The following CTCFL variants were observed in gnomAD, a reference collection of about 807,000 sequenced individuals.
CTCFL encodes transcriptional repressor CTCFL.
In CTCFL, 36 loss-of-function variants were observed where a neutral mutation model predicts 67.4. The observed-to-expected ratio is 0.53, with a 90% confidence interval of 0.41 to 0.71. The LOEUF is 0.71. Ranked by LOEUF, CTCFL falls within the 30% of genes least tolerant of loss-of-function variation. The pLI, the probability that CTCFL is intolerant of heterozygous loss-of-function variation, is 0.00. For missense variants in CTCFL, 786 were observed against 835.2 expected, an observed-to-expected ratio of 0.94 and a Z score of 0.73; for synonymous variants, 324 against 302.3, an observed-to-expected ratio of 1.07 and a Z score of -0.75.
Position 57,498,324 on chromosome 20 carries a change from T to C in CTCFL, c.*226A>G, listed in dbSNP as rs560095339. The stretch of plus-strand genomic sequence containing the variant: ...TATCCAGCTACAAACAGGAGAACAA[T>C]TCTAGACACTACCTCAAACTTGTGT... On this transcript the variant is annotated 3_prime_UTR_variant, in exon 11 of 11. Transcript: ENST00000243914. The C allele has an allele frequency of 7.9e-7, 1 of 1,265,350 alleles. No homozygotes were observed. Among genetic ancestry groups the C allele is most frequent in the Admixed American group, 3.9e-5 (1 of 25,724 alleles). The allele number at this position is 1,265,350 out of a possible 1,614,324, so 78.4% of individuals were successfully genotyped here.
At chr20:57,517,082 G>A (rs1221030385) in intron 5 of CTCFL, among the ~76,000 whole-genome samples, 2 of 152,250 alleles carry the variant, frequency 1.3e-5, no homozygotes, top group Middle Eastern at 3.4e-3. Flanking sequence ...CAACAGCCAA[G>A]CCAAAAAATT....
In CTCFL at chr20:57,512,731, T is replaced by C. The variant is rs915731928; in HGVS notation, c.1352A>G (p.His451Arg). ...SDLRVHMRNL[H>R]AYSAAELKCR... Reference sequence around the variant, plus strand: ...TTTCAGCTCTGCAGCGCTGTAAGCATGCAAGTTGCGCATATGCACACCTAA... The same window carrying C: ...TTTCAGCTCTGCAGCGCTGTAAGCACGCAAGTTGCGCATATGCACACCTAA... Residue 451 changes from histidine (H) to arginine (R), a missense_variant, in exon 8 of 11, where the codon CAT becomes CGT. By Grantham distance (29) the His-to-Arg change is conservative. Around this residue, in one of 3 missense-constraint regions of CTCFL, gnomAD observed 254 missense variants for 333.9 expected, o/e 0.76. Transcript: ENST00000243914. 1 of 1,614,230 alleles carries C rather than the reference T, an allele frequency of 6.2e-7. No homozygotes were observed. The highest frequency in any genetic ancestry group is 1.3e-5 in the African/African-American group (1 of 75,068).
chr20:57,500,121 CAAG>C (rs1045221459), intron 10 of CTCFL: 1 of 931,956 alleles, frequency 1.1e-6, no homozygotes, highest in Non-Finnish European at 1.2e-6. Context: ...TGGAGGGAGA[CAAG>C]AAGACCCAGT....
At chr20:57,522,026 A>G (rs937113494) in intron 3 of CTCFL, among the ~76,000 whole-genome samples, 1 of 152,258 alleles carries the variant, frequency 6.6e-6, no homozygotes, top group African/African-American at 2.4e-5. Context: ...AAATTTGAAT[A>G]TATCAAAAAC....
At position 57,523,053 on chromosome 20, in the gene CTCFL, G is replaced by A; in HGVS notation, c.754+15C>T. 1 of 1,605,164 alleles carries A rather than the reference G, an allele frequency of 6.2e-7. No homozygotes were observed. Among genetic ancestry groups the A allele is most frequent in the African/African-American group, 1.3e-5 (1 of 74,728 alleles). On this transcript the variant is annotated intron_variant, in intron 3 of 10. Coordinates refer to ENST00000243914, the MANE Select transcript of CTCFL (RefSeq NM_001386993.1). ...CAGTTTTAGGGAGTGTATTCTATGA[G>A]ATGAACTGGCCTACCCTTTGTCTTT...
intron 9 of CTCFL, 92 bp downstream of exon 9, chr20:57,508,514 T>C (rs2068348073): frequency 2.4e-6 from 3 of 1,235,440 alleles, no homozygotes; most frequent in East Asian, 2.4e-5. Context: ...CAGGTTTCTA[T>C]AATCGGGTTT....
At chr20:57,519,440 G>A (rs1048870135) in intron 3 of CTCFL, 63 bp from the exon 4 acceptor site, 5 of 1,431,132 alleles carry the variant, frequency 3.5e-6, no homozygotes, top group Non-Finnish European at 4.9e-6. Context: ...ATACTTGAAA[G>A]TAAATCAGCA....
chr20:57,498,565 GT>G lies in CTCFL; in HGVS notation c.1976del (p.Asn659ThrfsTer19). On this transcript the variant is annotated frameshift_variant, in exon 11 of 11. Coordinates refer to ENST00000243914, the MANE Select transcript of CTCFL (RefSeq NM_001386993.1). LOFTEE classifies it high-confidence loss of function. The stretch of plus-strand genomic sequence containing the variant: ...CGAATCCCTCTCACTTATCCATCGT[GT>G]TGAGGAGCATTTCACAGGTCACGCC... The part of the protein sequence containing the change: ...DEGVTCEMLL[N>X]TMDK The G allele has an allele frequency of 6.2e-7, 1 of 1,613,764 alleles. No individual in the cohort carries two copies. Among genetic ancestry groups the G allele is most frequent in the South Asian group, 1.1e-5 (1 of 90,996 alleles).
chr20:57,511,276 C>G (rs4811867), intron 8 of CTCFL, among the ~76,000 whole-genome samples: 148,972 of 152,252 alleles, frequency 0.98, 72,903 homozygotes, highest in East Asian at 1. Flanking sequence ...CTGAGCTCAA[C>G]AGTTCTGTCC....
chr20:57,518,082 A>T (rs2069062233), intron 5 of CTCFL, among the ~76,000 whole-genome samples: 1 of 152,114 alleles, frequency 6.6e-6, no homozygotes, highest in African/African-American at 2.4e-5. Context: ...ACTTAGTTCC[A>T]TTTGGGTGTA....
rs1222841494 is a variant in CTCFL, at chr20:57,498,642, G to A, written c.1900C>T (p.Pro634Ser). Residue 634 changes from proline (P) to serine (S), a missense_variant, in exon 11 of 11, where the codon CCT (proline) becomes TCT (serine). By Grantham distance (74) the Pro-to-Ser change is moderately conservative (BLOSUM62 -1). Coordinates refer to ENST00000243914, the MANE Select transcript of CTCFL (RefSeq NM_001386993.1). ...KGEQFPGEMF[P>S]VACRETTARV... ...GCTGTGGTTTCTCTGCAGGCGACAGGAAACATCTCTCCTGGGAACTGTTCT... is the reference window on the plus strand; with the variant it reads ...GCTGTGGTTTCTCTGCAGGCGACAGAAAACATCTCTCCTGGGAACTGTTCT... 1.9e-6 allele frequency: 3 copies of A among 1,614,126 alleles called. No individual in the cohort carries two copies. Among genetic ancestry groups the A allele is most frequent in the Admixed American group, 1.7e-5 (1 of 60,020 alleles).
At chr20:57,507,668 T>C (rs1406865934) in intron 9 of CTCFL, 2 of 702,988 alleles carry the variant, frequency 2.8e-6, no homozygotes, top group Non-Finnish European at 5.2e-6. Context: ...TGGAAGTGGA[T>C]CCTCTGGCCC....
At chr20:57,524,518 A>C (rs1600688881) in intron 1 of CTCFL, 2 of 1,154,064 alleles carry the variant, frequency 1.7e-6, no homozygotes, top group Non-Finnish European at 2.1e-6. Flanking sequence ...GCCTGAGCAC[A>C]CTCTGGCCCA....
chr20:57,520,422 C>T (rs2069266045), intron 3 of CTCFL, among the ~76,000 whole-genome samples: 1 of 152,108 alleles, frequency 6.6e-6, no homozygotes, highest in South Asian at 2.1e-4. Context: ...TCTCAAAATC[C>T]ATCCCTCCAT....
chr20:57,517,178 A>G (rs1055046424), intron 5 of CTCFL, among the ~76,000 whole-genome samples: 5 of 152,198 alleles, frequency 3.3e-5, no homozygotes, highest in Non-Finnish European at 5.9e-5. Context: ...GTATAGCATG[A>G]AAGTTTTGAG....
At chr20:57,507,596 CAG>C in intron 9 of CTCFL, 2 of 703,020 alleles carry the variant, frequency 2.8e-6, no homozygotes, top group Non-Finnish European at 5.2e-6. Context: ...AGCAGCCCTG[CAG>C]AGAGGTCCCT....
intron 5 of CTCFL, among the ~76,000 whole-genome samples, chr20:57,517,289 T>C (rs1238783264): frequency 4.6e-5 from 7 of 150,726 alleles, no homozygotes; most frequent in Non-Finnish European, 5.9e-5. Flanking sequence ...AATGCTTTTT[T>C]TTTTTTTTTT....
At chr20:57,523,521 C>T in intron 2 of CTCFL, 142 bp downstream of exon 2, 1 of 1,214,252 alleles carries the variant, frequency 8.2e-7, no homozygotes, top group Non-Finnish European at 1.1e-6. Flanking sequence ...AACCTAAGAA[C>T]TCTCAAGATT....
At position 57,504,606 on chromosome 20, in the gene CTCFL, T is replaced by C. The variant is rs59161688; in HGVS notation, c.1675-1005A>G. ...AAGATAACATCCTAACATCCGTCCC[T>C]GAGTTGTTTTTTAGAAACCTGGCTC... On this transcript the variant is annotated intron_variant, in intron 9 of 10. Transcript: ENST00000243914. Among the ~76,000 whole-genome samples, 298 of 151,942 alleles carry C rather than the reference T, an allele frequency of 2.0e-3. 4 individuals carry two copies. The highest frequency in any genetic ancestry group is 6.6e-3 in the African/African-American group (273 of 41,528).
Sources: allele counts gnomAD v4.1 joint callset (sites outside exome capture counted in the v4.1 genomes callset), GRCh38; gene constraint gnomAD v4.1.1; regional missense constraint gnomAD v4.1.1; transcripts MANE v1.5; gene names NCBI Gene and HGNC (gene_info 2026-07-23, HGNC 2026-07-21).